The following LBP variants were observed in gnomAD, a reference collection of about 807,000 sequenced individuals.
LBP encodes lipopolysaccharide-binding protein.
LBP carries 53 observed loss-of-function variants against 56.6 expected under a neutral mutation model. The ratio of observed to expected loss-of-function variants is 0.94; its 90% CI spans 0.75 to 1.18. The LOEUF is 1.18. Ranked by LOEUF, LBP falls within the 50% of genes most tolerant of loss-of-function variation. LBP has a pLI of 0.00. For synonymous variants in LBP, 227 were observed against 247.5 expected (o/e 0.92, Z 0.78); for missense variants, 601 against 598.3 (o/e 1.00, Z -0.05).
intron 6 of LBP, among the ~76,000 whole-genome samples, chr20:38,361,855 C>T (rs909412978): frequency 1.3e-5 from 2 of 151,694 alleles, no homozygotes; most frequent in Non-Finnish European, 2.9e-5. Context: ...CCTGGTGTCC[C>T]CCTCGGTCAC....
intron 3 of LBP, 42 bp downstream of exon 3, chr20:38,350,981 G>A: frequency 6.2e-7 from 1 of 1,601,468 alleles, no homozygotes; most frequent in Non-Finnish European, 8.5e-7. Flanking sequence ...TCTTGGCCTT[G>A]GCCTTCGCCC....
At chr20:38,351,824 C>T (rs2076821534) in intron 3 of LBP, among the ~76,000 whole-genome samples, 2 of 152,038 alleles carry the variant, frequency 1.3e-5, no homozygotes, top group Admixed American at 1.3e-4. Flanking sequence ...AGTTCAAGAC[C>T]AGCCTGGCCA....
chr20:38,360,857 A>G, intron 6 of LBP, 90 bp downstream of exon 6: 3 of 984,716 alleles, frequency 3.0e-6, no homozygotes, highest in Non-Finnish European at 4.6e-6. Context: ...AAATGGGGCA[A>G]AAATATAGAA....
chr20:38,360,929 G>A (rs73621942), intron 6 of LBP, among the ~76,000 whole-genome samples, 162 bp downstream of exon 6: 7 of 152,246 alleles, frequency 4.6e-5, no homozygotes, highest in South Asian at 2.1e-4. Context: ...CTGGGAGGCC[G>A]AGGCGGGTGG....
chr20:38,354,584 G>A, intron 4 of LBP, 145 bp downstream of exon 4: 1 of 640,424 alleles, frequency 1.6e-6, no homozygotes, highest in African/African-American at 1.9e-5. Context: ...ACCCTGTTGA[G>A]ATGAACAGAC....
At chr20:38,350,393 C>G (rs2122594435) in intron 2 of LBP, among the ~76,000 whole-genome samples, 1 of 152,302 alleles carries the variant, frequency 6.6e-6, no homozygotes, top group South Asian at 2.1e-4. Context: ...ACCATCTTCC[C>G]TGAATCTGTT....
rs577564144 is a variant in LBP at position 38,362,183 on chromosome 20, C to T, written c.652+1416C>T. Among the ~76,000 whole-genome samples the T allele has an allele frequency of 1.5e-4, 22 of 150,466 alleles. No homozygotes were observed. In the East Asian group the frequency reaches 4.0e-3, roughly 28 times the overall value. On this transcript the variant is annotated intron_variant, in intron 6 of 14. Coordinates refer to ENST00000217407, the MANE Select transcript of LBP (RefSeq NM_004139.5). ...ACGCCATTCTCCTGTCTCAGCCTCG[C>T]GAGTAGCTGGGACTACAGGCGCCCG...
chr20:38,362,378 C>A (rs190823122), intron 6 of LBP, among the ~76,000 whole-genome samples: 2 of 144,324 alleles, frequency 1.4e-5, no homozygotes, highest in Admixed American at 1.4e-4. Flanking sequence ...TTAGGGAGGC[C>A]GAGGCGGGTG....
rs775499291 is a variant in LBP at position 38,346,529 on chromosome 20, G to A, written c.13G>A (p.Ala5Thr). MGAL[A>T]RALPSILLAL... is the part of the protein sequence containing the mutation. ...CTGGGAATCTAGGATGGGGGCCTTG[G>A]CCAGAGCCCTGCCGTCCATACTGCT... The change falls in exon 1 of 15, where the codon GCC (alanine) becomes ACC (threonine). Residue 5 changes from alanine (A) to threonine (T), a missense_variant. Coordinates refer to ENST00000217407, the MANE Select transcript of LBP (RefSeq NM_004139.5). 6.2e-6 allele frequency: 10 copies of A among 1,613,362 alleles called. No homozygotes were observed. The East Asian group carries it at 6.7e-5, about 11-fold the overall frequency.
At chr20:38,372,226 C>G (rs1048906685) in intron 12 of LBP, among the ~76,000 whole-genome samples, 3 of 152,170 alleles carry the variant, frequency 2.0e-5, no homozygotes, top group Non-Finnish European at 4.4e-5. Flanking sequence ...TCGTTGGCTT[C>G]TCTTTTACCA....
rs183799392 is a variant in LBP at position 38,375,627 on chromosome 20, A to T, written c.1402-998A>T. Reference sequence around the variant, plus strand: ...TAAGGTTCTTTTTAAAGCTTAACTTAAAAACTATTTTAATATCAAGTGAAA... The same window carrying T: ...TAAGGTTCTTTTTAAAGCTTAACTTTAAAACTATTTTAATATCAAGTGAAA... On this transcript the variant is annotated intron_variant, in intron 14 of 14. Coordinates refer to ENST00000217407, the MANE Select transcript of LBP (RefSeq NM_004139.5). Among the ~76,000 whole-genome samples, 1,188 of 152,314 alleles carry T rather than the reference A, an allele frequency of 7.8e-3. 4 individuals are homozygous for T. Among genetic ancestry groups the T allele is most frequent in the Non-Finnish European group, 0.013 (861 of 68,032 alleles).
chr20:38,371,992 G>A (rs1052139278), intron 12 of LBP, among the ~76,000 whole-genome samples: 1 of 152,210 alleles, frequency 6.6e-6, no homozygotes, highest in African/African-American at 2.4e-5. Context: ...CTGGCAAGGA[G>A]GGTTGTTCCC....
At chr20:38,365,717 A>AATATATATATAT (rs1310925124) in intron 8 of LBP, among the ~76,000 whole-genome samples, 5 of 43,718 alleles carry the variant, frequency 1.1e-4, no homozygotes, top group East Asian at 5.0e-4. Context: ...AAAAAAAAAA[A>AATATATATATAT]ATATATATAT....
intron 10 of LBP, 141 bp downstream of exon 10, chr20:38,369,303 T>C: frequency 1.2e-6 from 1 of 843,976 alleles, no homozygotes; most frequent in Non-Finnish European, 1.8e-6. Flanking sequence ...GAGAGGGCTT[T>C]CTTGCTGGCC....
At chr20:38,369,207 T>A in intron 10 of LBP, 45 bp downstream of exon 10, 5 of 1,556,020 alleles carry the variant, frequency 3.2e-6, no homozygotes, top group Non-Finnish European at 4.4e-6. Flanking sequence ...TTTCCCCACA[T>A]GCTTTTCCCT....
In LBP at chr20:38,371,290, G is replaced by A; in HGVS notation, c.1228G>A (p.Glu410Lys). 1.2e-6 allele frequency: 2 copies of A among 1,610,878 alleles called. No homozygotes were observed. The highest frequency in any genetic ancestry group is 1.7e-6 in the Non-Finnish European group (2 of 1,177,484). ...GFLKPGKVKV[E>K]LKESKVGLFN... ...TCTGATTCATTACAGGGTAAAAGTG[G>A]AACTGAAAGAATCCAAAGTTGGACT... Residue 410 changes from glutamate to lysine, a missense_variant, in exon 12 of 15, where the codon GAA (glutamate) becomes AAA (lysine). Transcript: ENST00000217407.
At chr20:38,352,779 TAAATA>T (rs1444906344) in intron 3 of LBP, among the ~76,000 whole-genome samples, 5 of 152,196 alleles carry the variant, frequency 3.3e-5, no homozygotes, top group African/African-American at 1.2e-4. Context: ...ATTAGTTAAT[TAAATA>T]AAATAAATTA....
intron 6 of LBP, among the ~76,000 whole-genome samples, chr20:38,362,184 G>A (rs141065638): frequency 0.011 from 1,598 of 150,016 alleles, 13 homozygotes; most frequent in Non-Finnish European, 0.018. Flanking sequence ...TCAGCCTCGC[G>A]AGTAGCTGGG....
intron 5 of LBP, among the ~76,000 whole-genome samples, chr20:38,359,846 G>A (rs1467149624): frequency 1.3e-5 from 2 of 152,180 alleles, no homozygotes; most frequent in Middle Eastern, 3.2e-3. Flanking sequence ...CGCACAACTG[G>A]TGGCAATTGT....
Sources: allele counts gnomAD v4.1 joint callset (sites outside exome capture counted in the v4.1 genomes callset), GRCh38; gene constraint gnomAD v4.1.1; transcripts MANE v1.5; gene names NCBI Gene and HGNC (gene_info 2026-07-23, HGNC 2026-07-21).